GCFC2: variants seen among roughly 807,000 people sequenced by gnomAD.
GCFC2 encodes the protein intron Large complex component GCFC2.
Under a neutral mutation model 99.4 loss-of-function variants are expected in GCFC2, and 102 were observed. The observed-to-expected ratio is 1.03, with a 90% CI of 0.87 to 1.21. GCFC2 has a LOEUF of 1.21. Ranked by LOEUF, GCFC2 falls within the 50% of genes most tolerant of loss-of-function variation. The probability of loss-of-function intolerance (pLI) is 0.00; values close to 1 mark genes in which losing one functional copy is unlikely to be tolerated. For synonymous variants in GCFC2, 338 were observed against 316.8 expected (o/e 1.07, Z -0.71); for missense variants, 973 against 920.9 (o/e 1.06, Z -0.73).
intron 5 of GCFC2, 40 bp from the exon 6 acceptor site, chr2:75,694,467 CTT>C: frequency 2.6e-6 from 2 of 776,616 alleles, no homozygotes; most frequent in Non-Finnish European, 3.8e-6. Flanking sequence ...TTTTCATACT[CTT>C]TTAAAAGTAG....
intron 8 of GCFC2, 67 bp from the exon 9 acceptor site, chr2:75,690,148 A>T (rs1303543355): frequency 5.9e-6 from 5 of 852,230 alleles, no homozygotes; most frequent in South Asian, 4.5e-5. Flanking sequence ...AAATGCCTAA[A>T]TTTTTTTTAA....
Position 75,671,931 on chromosome 2 carries a change from T to G in GCFC2, c.1956+19A>C. The G allele has an allele frequency of 7.2e-7, 1 of 1,383,736 alleles. No individual in the cohort carries two copies. The highest frequency in any genetic ancestry group is 2.3e-5 in the East Asian group (1 of 43,156). 85.7% of individuals were successfully genotyped at this position (1,383,736 alleles called of 1,614,324 possible). On this transcript the variant is annotated intron_variant, in intron 14 of 16. Coordinates refer to ENST00000321027, the MANE Select transcript of GCFC2 (RefSeq NM_003203.5). ...ATTTTTACAAAAATTGCCTTTTCAT[T>G]TTTGCAGTTTTTGCTCACCTTTAGG...
At chr2:75,679,381 TA>T (rs1199866594) in intron 12 of GCFC2, among the ~76,000 whole-genome samples, 2 of 152,120 alleles carry the variant, frequency 1.3e-5, no homozygotes, top group Non-Finnish European at 2.9e-5. Flanking sequence ...AAGCTCAACC[TA>T]AAATTGGTTT....
intron 15 of GCFC2, chr2:75,669,883 C>G (rs1029760023): frequency 4.7e-6 from 1 of 213,304 alleles, no homozygotes; most frequent in African/African-American, 2.3e-5. Flanking sequence ...AGCCACCGCA[C>G]CTGGCTAATT....
intron 15 of GCFC2, chr2:75,669,890 A>C: frequency 4.4e-6 from 1 of 225,140 alleles, no homozygotes. Context: ...GCACCTGGCT[A>C]ATTTTTGTAT....
chr2:75,696,239 G>A lies in GCFC2; in HGVS notation c.794C>T (p.Pro265Leu). 1 of 1,475,188 alleles carries A rather than the reference G, an allele frequency of 6.8e-7. No individual in the cohort carries two copies. Among genetic ancestry groups the A allele is most frequent in the Non-Finnish European group, 9.5e-7 (1 of 1,054,982 alleles). 91.4% of individuals were successfully genotyped at this position (1,475,188 alleles called of 1,614,324 possible). Residue 265 changes from proline to leucine, a missense_variant, in exon 5 of 17, where the codon CCA (proline) becomes CTA (leucine). Physicochemically the swap from Pro to Leu is moderately conservative, Grantham distance 98. Transcript: ENST00000321027. ...KKFDTSISFP[P>L]VNLEIIKKQL... ...CTTCTTTATAATTTCTAAATTTACT[G>A]GCGGAAATGAAATGGAAGTATCAAA...
At chr2:75,666,885 T>C (rs888002753) in intron 15 of GCFC2, among the ~76,000 whole-genome samples, 1 of 152,100 alleles carries the variant, frequency 6.6e-6, no homozygotes, top group African/African-American at 2.4e-5. Flanking sequence ...TCAGAGTAAC[T>C]CACCAGACCA....
chr2:75,693,571 T>C (rs1245018999), intron 6 of GCFC2, among the ~76,000 whole-genome samples: 4 of 152,026 alleles, frequency 2.6e-5, no homozygotes, highest in Non-Finnish European at 5.9e-5. Flanking sequence ...TTAGTATGCA[T>C]AAAACAAAAA....
chr2:75,708,838 A>C (rs1286922754), intron 1 of GCFC2, among the ~76,000 whole-genome samples: 1 of 152,106 alleles, frequency 6.6e-6, no homozygotes, highest in East Asian at 1.9e-4. Context: ...GGGTTAGTTT[A>C]TTACTTGTTG....
rs142462186 is a variant in GCFC2, at chr2:75,684,029, G to A, written c.1691-3715C>T. On this transcript the variant is annotated intron_variant, in intron 11 of 16. Coordinates refer to ENST00000321027, the MANE Select transcript of GCFC2 (RefSeq NM_003203.5). ...ACTTAGACTCCCACACAATAATAGT[G>A]GGAGCCTTTAACATCCCACTGTCGA... Among the ~76,000 whole-genome samples the A allele has an allele frequency of 2.7e-3, 418 of 152,154 alleles. 3 individuals carry two copies. Among genetic ancestry groups the A allele is most frequent in the African/African-American group, 9.5e-3 (395 of 41,500 alleles).
At chr2:75,680,805 C>G (rs1307724508) in intron 11 of GCFC2, among the ~76,000 whole-genome samples, 1 of 152,170 alleles carries the variant, frequency 6.6e-6, no homozygotes, top group African/African-American at 2.4e-5. Flanking sequence ...CAGCTAATTA[C>G]TTCCTAATTT....
At position 75,672,262 on chromosome 2, in the gene GCFC2, AT is replaced by A. The variant is rs1040489480; in HGVS notation, c.1890-247del. 1.6e-3 allele frequency among the ~76,000 whole-genome samples: 206 copies of A among 125,424 alleles called. 2 individuals are homozygous for A. Among genetic ancestry groups the A allele is most frequent in the Non-Finnish European group, 2.7e-3 (167 of 61,330 alleles). 82.3% of individuals were successfully genotyped at this position (125,424 alleles called of 152,430 possible). ...TTATAAATATGTTTATAAAATATAT[AT>A]TTATATATTTATAAATATGTTTATA... On this transcript the variant is annotated intron_variant, in intron 13 of 16. Coordinates refer to ENST00000321027, the MANE Select transcript of GCFC2 (RefSeq NM_003203.5).
intron 12 of GCFC2, 36 bp downstream of exon 12, chr2:75,680,157 A>G (rs748069009): frequency 6.8e-7 from 1 of 1,467,810 alleles, no homozygotes; most frequent in East Asian, 2.3e-5. Context: ...TGATTTAGAG[A>G]TAGATCATGG....
intron 11 of GCFC2, among the ~76,000 whole-genome samples, chr2:75,684,492 A>G (rs985362879): frequency 9.9e-5 from 15 of 152,230 alleles, no homozygotes; most frequent in African/African-American, 3.6e-4. Context: ...TGTAGAGGGA[A>G]ATTTATAGCA....
In GCFC2 at chr2:75,668,986, G is replaced by C. The variant is rs369601795; in HGVS notation, c.2103+1152C>G. On this transcript the variant is annotated intron_variant, in intron 15 of 16. Transcript: ENST00000321027. ...TCCTGTGTTTATAACACTGGAAATC[G>C]TAAGTAAAATAACAACGCCAAAAAA... is the stretch of plus-strand genomic sequence containing the variant. Among the ~76,000 whole-genome samples the C allele has an allele frequency of 9.9e-5, 15 of 152,136 alleles. 1 individual carries two copies. The highest frequency in any genetic ancestry group is 2.2e-4 in the Non-Finnish European group (15 of 68,030).
chr2:75,687,740 A>G, intron 11 of GCFC2, 87 bp downstream of exon 11: 2 of 1,044,468 alleles, frequency 1.9e-6, no homozygotes, highest in Non-Finnish European at 1.4e-6. Context: ...AAACTTATGA[A>G]AAAACTTTGT....
chr2:75,672,235 ATT>A (rs531237354), intron 13 of GCFC2, among the ~76,000 whole-genome samples: 1 of 132,332 alleles, frequency 7.6e-6, no homozygotes, highest in South Asian at 2.3e-4. Flanking sequence ...ATATTTATAT[ATT>A]TATAAATATG....
intron 10 of GCFC2, among the ~76,000 whole-genome samples, chr2:75,688,794 T>TA (rs3836197): frequency 3.3e-5 from 5 of 151,056 alleles, no homozygotes; most frequent in Non-Finnish European, 5.9e-5. Flanking sequence ...TACAAGAAGC[T>TA]AAAAAAAAAT....
intron 12 of GCFC2, among the ~76,000 whole-genome samples, chr2:75,678,374 C>T (rs1006156834): frequency 6.6e-6 from 1 of 152,152 alleles, no homozygotes; most frequent in Non-Finnish European, 1.5e-5. Context: ...GTACATCTTT[C>T]AAATTAAATA....
Sources: allele counts gnomAD v4.1 joint callset (sites outside exome capture counted in the v4.1 genomes callset), GRCh38; gene constraint gnomAD v4.1.1; transcripts MANE v1.5; gene names NCBI Gene and HGNC (gene_info 2026-07-23, HGNC 2026-07-21).